Variants in CFAP206 observed in about 807,000 individuals in gnomAD.
CFAP206 encodes the protein cilia and flagella associated protein 206.
CFAP206 carries 53 observed loss-of-function variants against 65.4 expected under a neutral mutation model. The ratio of observed to expected loss-of-function variants is 0.81; its 90% CI spans 0.65 to 1.02. The LOEUF (loss-of-function observed/expected upper bound fraction) is 1.02, where lower values mean the gene tolerates loss of function less well. Among genes scored for constraint, CFAP206 ranks in the 50% least tolerant of loss-of-function variants. The pLI is 0.00. For missense variants in CFAP206, 663 were observed against 753.2 expected, an observed-to-expected ratio of 0.88 and a Z score of 1.40; for synonymous variants, 250 against 254.4, an observed-to-expected ratio of 0.98 and a Z score of 0.17.
intron 1 of CFAP206, chr6:87,408,882 A>C (rs1469894611): frequency 6.6e-6 from 1 of 152,164 alleles, no homozygotes; most frequent in Non-Finnish European, 1.5e-5. Context: ...AAAGCTAATA[A>C]TGCTGAGGAG....
At chr6:87,458,463 A>ACATAATAGAGTAC (rs1200376368) in intron 11 of CFAP206, among the ~76,000 whole-genome samples, 3 of 152,124 alleles carry the variant, frequency 2.0e-5, no homozygotes, top group Non-Finnish European at 4.4e-5. Context: ...TGGTACATAT[A>ACATAATAGAGTAC]CATAATAGAG....
intron 8 of CFAP206, among the ~76,000 whole-genome samples, chr6:87,428,144 C>T (rs1329454254): frequency 3.9e-5 from 6 of 152,008 alleles, no homozygotes; most frequent in Non-Finnish European, 7.4e-5. Flanking sequence ...CCCACCACCA[C>T]GCCTGGCTAA....
chr6:87,409,374 C>T (rs1038266167), intron 1 of CFAP206, among the ~76,000 whole-genome samples: 26 of 152,120 alleles, frequency 1.7e-4, no homozygotes, highest in African/African-American at 6.0e-4. Flanking sequence ...CCACCACTCC[C>T]GGCTAATTTT....
At chr6:87,456,636 A>G in intron 11 of CFAP206, among the ~76,000 whole-genome samples, 1 of 152,214 alleles carries the variant, frequency 6.6e-6, no homozygotes, top group East Asian at 1.9e-4. Context: ...CCACCAAAAA[A>G]CTAATACAAC....
rs757010213 is a variant in CFAP206, at chr6:87,415,822, C to G, written c.420C>G (p.Leu140=). ...GGAAGATTATCAGCTATGTGTTACT[C>G]CGCTCTGGCCTTGGATCCCCTACAG... is the stretch of plus-strand genomic sequence containing the variant. ...LYRKIISYVL[L]RSGLGSPTDI... Residue 140 remains leucine (L), a synonymous_variant, in exon 5 of 13, where the codon CTC becomes CTG. Transcript: ENST00000369562. 7 of 1,611,754 alleles carry G rather than the reference C, an allele frequency of 4.3e-6. No individual in the cohort carries two copies. In the South Asian group the frequency reaches 6.6e-5, roughly 15 times the overall value.
At chr6:87,430,904 A>G in intron 9 of CFAP206, 129 bp from the exon 10 acceptor site, 2 of 803,688 alleles carry the variant, frequency 2.5e-6, no homozygotes, top group Non-Finnish European at 3.8e-6. Flanking sequence ...TGTGAATATC[A>G]AGTTTTTGCC....
At chr6:87,457,165 AAG>A (rs1554163509) in intron 11 of CFAP206, among the ~76,000 whole-genome samples, 1 of 151,242 alleles carries the variant, frequency 6.6e-6, no homozygotes, top group Non-Finnish European at 1.5e-5. Flanking sequence ...AAAAAAAAAA[AAG>A]AAAAGAAATT....
chr6:87,456,755 C>T (rs1483422771), intron 11 of CFAP206, among the ~76,000 whole-genome samples: 1 of 152,002 alleles, frequency 6.6e-6, no homozygotes, highest in East Asian at 1.9e-4. Flanking sequence ...GAAAGTAATC[C>T]CATTTTCAAT....
intron 7 of CFAP206, among the ~76,000 whole-genome samples, chr6:87,420,533 G>A (rs907322708): frequency 2.0e-5 from 3 of 152,172 alleles, no homozygotes; most frequent in African/African-American, 7.2e-5. Flanking sequence ...ATCTGTGTCC[G>A]TAAGGAAGCT....
chr6:87,436,797 G>A (rs1768275811), intron 11 of CFAP206: 1 of 152,106 alleles, frequency 6.6e-6, no homozygotes, highest in African/African-American at 2.4e-5. Context: ...TTCTGTATGT[G>A]AGCCAAATAG....
chr6:87,415,906 G>A (rs1767822605), intron 5 of CFAP206, 32 bp downstream of exon 5: 2 of 1,389,114 alleles, frequency 1.4e-6, no homozygotes, highest in Non-Finnish European at 1.9e-6. Flanking sequence ...CATTTCATAA[G>A]TGAAAATATA....
chr6:87,450,571 C>CA (rs10678289), intron 11 of CFAP206, among the ~76,000 whole-genome samples: 46,102 of 120,842 alleles, frequency 0.38, 10,406 homozygotes, highest in African/African-American at 0.57. Flanking sequence ...CTACTTATGG[C>CA]AAAAAAAAAA....
At chr6:87,459,063 A>G (rs541578146) in intron 11 of CFAP206, among the ~76,000 whole-genome samples, 86 of 152,214 alleles carry the variant, frequency 5.6e-4, no homozygotes, top group African/African-American at 2.0e-3. Flanking sequence ...AGTATTATAA[A>G]TGTTGCTATC....
At chr6:87,424,498 C>G (rs1414015121) in intron 7 of CFAP206, among the ~76,000 whole-genome samples, 1 of 151,964 alleles carries the variant, frequency 6.6e-6, no homozygotes, top group Non-Finnish European at 1.5e-5. Flanking sequence ...AGGATGGTCT[C>G]GATCTCCTGA....
chr6:87,463,549 C>G (rs1163103625), intron 12 of CFAP206, among the ~76,000 whole-genome samples: 1 of 152,078 alleles, frequency 6.6e-6, no homozygotes, highest in Non-Finnish European at 1.5e-5. Context: ...AGGGAGTAAG[C>G]AAAATGTAGA....
At chr6:87,444,184 T>C (rs778836735) in intron 11 of CFAP206, among the ~76,000 whole-genome samples, 1 of 152,202 alleles carries the variant, frequency 6.6e-6, no homozygotes, top group Non-Finnish European at 1.5e-5. Flanking sequence ...TAATTCCTAG[T>C]AGGAAAACAT....
intron 12 of CFAP206, among the ~76,000 whole-genome samples, chr6:87,462,227 T>C (rs1470230652): frequency 6.6e-6 from 1 of 152,208 alleles, no homozygotes; most frequent in Non-Finnish European, 1.5e-5. Context: ...CATTTGTATA[T>C]TCAGTCCATT....
chr6:87,450,623 G>A (rs1768525715), intron 11 of CFAP206, among the ~76,000 whole-genome samples: 1 of 149,612 alleles, frequency 6.7e-6, no homozygotes, highest in Non-Finnish European at 1.5e-5. Flanking sequence ...CAGATTGAGA[G>A]GCAGAGCAAG....
rs377497011 is a variant in CFAP206 at position 87,409,867 on chromosome 6, A to G, written c.28A>G (p.Ile10Val). The G allele has an allele frequency of 1.0e-4, 169 of 1,613,176 alleles. No homozygotes were observed. The highest frequency in any genetic ancestry group is 1.3e-4 in the Non-Finnish European group (155 of 1,179,630). MPPTQAESV[I>V]RSIIREIGQE... ...GCCTCCAACTCAGGCCGAAAGTGTT[A>G]TAAGGAGTATTATACGAGAAATAGG... is the stretch of plus-strand genomic sequence containing the variant. Residue 10 changes from isoleucine to valine, a missense_variant, in exon 2 of 13, where the codon ATA becomes GTA. Ile to Val is a conservative substitution (Grantham distance 29, BLOSUM62 3). Coordinates refer to ENST00000369562, the MANE Select transcript of CFAP206 (RefSeq NM_001031743.3).
Sources: gnomAD v4.1 joint callset for allele counts (sites outside exome capture counted in the v4.1 genomes callset) on GRCh38, gnomAD v4.1.1 for gene constraint, MANE v1.5 for transcripts, NCBI Gene and HGNC (gene_info 2026-07-23, HGNC 2026-07-21) for gene names.